Variants in FAF1 observed in about 807,000 individuals in gnomAD.
The protein encoded by FAF1 is FAS-associated factor 1.
In FAF1, 25 loss-of-function variants were observed where a neutral mutation model predicts 92.5. That is an observed-to-expected ratio of 0.27 (90% CI 0.20 to 0.38). The LOEUF (loss-of-function observed/expected upper bound fraction) is 0.38. Ranked by LOEUF, FAF1 falls within the 10% of genes least tolerant of loss-of-function variation. The pLI is 1.00. For synonymous variants in FAF1, 234 were observed against 273.2 expected (o/e 0.86, Z 1.42); for missense variants, 636 against 793.3 (o/e 0.80, Z 2.38).
chr1:50,644,266 T>C (rs1021230904), intron 8 of FAF1, among the ~76,000 whole-genome samples: 1 of 152,218 alleles, frequency 6.6e-6, no homozygotes, highest in Admixed American at 6.5e-5. Flanking sequence ...TTAACTCTTC[T>C]GAAGATAGCT....
intron 4 of FAF1, among the ~76,000 whole-genome samples, chr1:50,753,328 G>A (rs909702142): frequency 6.6e-6 from 1 of 152,160 alleles, no homozygotes; most frequent in African/African-American, 2.4e-5. Context: ...TATCATTGCA[G>A]GTAACAATAG....
chr1:50,465,963 T>C (rs1308310691), intron 18 of FAF1, among the ~76,000 whole-genome samples: 1 of 151,926 alleles, frequency 6.6e-6, no homozygotes, highest in Non-Finnish European at 1.5e-5. Flanking sequence ...GCAAGTTAGA[T>C]CGAGAAAGGC....
At chr1:50,912,965 T>C (rs61782376) in intron 1 of FAF1, among the ~76,000 whole-genome samples, 4,978 of 152,330 alleles carry the variant, frequency 0.033, 141 homozygotes, top group Non-Finnish European at 0.046. Flanking sequence ...TCAACTCAAC[T>C]AACAGAAATG....
chr1:50,602,428 C>T (rs1023399639), intron 8 of FAF1, among the ~76,000 whole-genome samples: 1 of 151,582 alleles, frequency 6.6e-6, no homozygotes, highest in Admixed American at 6.6e-5. Flanking sequence ...TGGTTTATTA[C>T]AGGTCAATTA....
chr1:50,663,305 T>G (rs1334146139), intron 7 of FAF1, among the ~76,000 whole-genome samples: 3 of 151,690 alleles, frequency 2.0e-5, no homozygotes, highest in Non-Finnish European at 4.4e-5. Flanking sequence ...ACAGACCTAG[T>G]GTATAGAACA....
chr1:50,672,234 A>G (rs113389179), intron 7 of FAF1, among the ~76,000 whole-genome samples: 10,005 of 151,704 alleles, frequency 0.066, 408 homozygotes, highest in East Asian at 0.092. Context: ...TTTAGTAGAG[A>G]CGGGGTTTAT....
intron 4 of FAF1, among the ~76,000 whole-genome samples, chr1:50,760,231 A>G (rs541728241): frequency 2.6e-4 from 39 of 152,240 alleles, no homozygotes; most frequent in East Asian, 7.7e-4. Context: ...CCCACACATT[A>G]ATAATGGGAG....
At chr1:50,743,580 G>C (rs891230514) in intron 5 of FAF1, among the ~76,000 whole-genome samples, 1 of 151,706 alleles carries the variant, frequency 6.6e-6, no homozygotes, top group Non-Finnish European at 1.5e-5. Flanking sequence ...CACTTGCCTC[G>C]GCCTCCCAAA....
intron 7 of FAF1, among the ~76,000 whole-genome samples, chr1:50,659,705 G>C (rs574900497): frequency 7.2e-4 from 110 of 152,054 alleles, no homozygotes; most frequent in Non-Finnish European, 1.2e-3. Context: ...TAAATGCTTT[G>C]ATTACCAGCT....
rs1572741540 is a variant in FAF1, at chr1:50,438,063, G to C, written c.*3377C>G. 7.2e-6 allele frequency: 1 copy of C among 138,044 alleles called. No homozygotes were observed. The highest frequency in any genetic ancestry group is 2.5e-4 in the South Asian group (1 of 4,056). The allele number at this position is 138,044 out of a possible 1,614,324, so 8.6% of individuals were successfully genotyped here. ...AAAAAAAAAAAATTAGAGATTCTTT[G>C]TAGACAAGCAGTGGAAAATTAGAGT... On this transcript the variant is annotated 3_prime_UTR_variant, in exon 19 of 19. Transcript: ENST00000396153.
At chr1:50,824,357 G>T (rs1644073057) in intron 2 of FAF1, among the ~76,000 whole-genome samples, 1 of 152,008 alleles carries the variant, frequency 6.6e-6, no homozygotes, top group African/African-American at 2.4e-5. Context: ...CCTATTTGAA[G>T]ATAGTTATTA....
intron 13 of FAF1, among the ~76,000 whole-genome samples, chr1:50,562,646 C>T (rs1409816085): frequency 6.6e-6 from 1 of 152,188 alleles, no homozygotes; most frequent in African/African-American, 2.4e-5. Context: ...CATCTATACT[C>T]CTAAAGTACC....
rs12128687 is a variant in FAF1, at chr1:50,639,602, T to G, written c.744+15840A>C. On this transcript the variant is annotated intron_variant, in intron 8 of 18. Coordinates refer to ENST00000396153, the MANE Select transcript of FAF1 (RefSeq NM_007051.3). Reference sequence around the variant, plus strand: ...CATAACTCTTTTTGTTCTTTTTTTTTGTCTTCTTTTTCCCATCCTTCCCTC... The same window carrying G: ...CATAACTCTTTTTGTTCTTTTTTTTGGTCTTCTTTTTCCCATCCTTCCCTC... Among the ~76,000 whole-genome samples, 5 of 152,148 alleles carry G rather than the reference T, an allele frequency of 3.3e-5. 1 individual carries two copies. The highest frequency in any genetic ancestry group is 4.1e-4 in the South Asian group (2 of 4,820).
At chr1:50,619,783 C>T (rs2124171303) in intron 8 of FAF1, among the ~76,000 whole-genome samples, 1 of 152,204 alleles carries the variant, frequency 6.6e-6, no homozygotes, top group Non-Finnish European at 1.5e-5. Flanking sequence ...ATTTGCATAT[C>T]AATTTTTGTA....
intron 8 of FAF1, among the ~76,000 whole-genome samples, chr1:50,650,704 A>G (rs1032411281): frequency 1.3e-5 from 2 of 152,252 alleles, no homozygotes; most frequent in Non-Finnish European, 1.5e-5. Context: ...TTTAAAAAGA[A>G]CTACATGTAT....
chr1:50,647,540 GTTTTC>G (rs919903688), intron 8 of FAF1, among the ~76,000 whole-genome samples: 2 of 152,000 alleles, frequency 1.3e-5, no homozygotes, highest in Admixed American at 1.3e-4. Flanking sequence ...TTTGTCTGAA[GTTTTC>G]TTTTAACAGA....
chr1:50,865,597 C>T lies in FAF1; in HGVS notation c.46-7600G>A, dbSNP rs1173548281. 2.3e-5 allele frequency among the ~76,000 whole-genome samples: 3 copies of T among 132,998 alleles called. No homozygotes were observed. In the East Asian group the frequency reaches 6.6e-4, roughly 29 times the overall value. The allele number at this position is 132,998 out of a possible 152,430, so 87.3% of individuals were successfully genotyped here. ...GTAAACTATTGCAAGAACAAAAAAC[C>T]AAACACTGCATATTCTCACTCATAG... On this transcript the variant is annotated intron_variant, in intron 1 of 18. Transcript: ENST00000396153.
chr1:50,669,932 AC>A (rs1655793106), intron 7 of FAF1, among the ~76,000 whole-genome samples: 1 of 152,026 alleles, frequency 6.6e-6, no homozygotes, highest in South Asian at 2.1e-4. Flanking sequence ...GACCAGCCTG[AC>A]CAACATGCAG....
chr1:50,683,803 G>C (rs9633420), intron 7 of FAF1, among the ~76,000 whole-genome samples: 1 of 151,822 alleles, frequency 6.6e-6, no homozygotes, highest in African/African-American at 2.4e-5. Flanking sequence ...GTGGTGGCAC[G>C]TGCCTGTAAT....
Sources: allele counts gnomAD v4.1 joint callset (sites outside exome capture counted in the v4.1 genomes callset), GRCh38; gene constraint gnomAD v4.1.1; transcripts MANE v1.5; gene names NCBI Gene and HGNC (gene_info 2026-07-23, HGNC 2026-07-21).